CPLANE1: variants seen among roughly 807,000 people sequenced by gnomAD.
CPLANE1 encodes ciliogenesis and planar polarity effector 1.
CPLANE1 carries 263 observed loss-of-function variants against 362.5 expected under a neutral mutation model. The ratio of observed to expected loss-of-function variants is 0.73; its 90% CI spans 0.66 to 0.80. The LOEUF (loss-of-function observed/expected upper bound fraction) is 0.80, where lower values mean the gene tolerates loss of function less well. CPLANE1 is among the 30% of genes least tolerant of loss of function. CPLANE1 has a pLI of 0.00. For synonymous variants in CPLANE1, 1,212 were observed against 1,302.6 expected (o/e 0.93, Z 1.50); for missense variants, 3,461 against 3,793.4 (o/e 0.91, Z 2.30).
At chr5:37,098,001 T>C in the CPLANE1 span, among the ~76,000 whole-genome samples, 1 of 152,118 alleles carries the variant, frequency 6.6e-6, no homozygotes, top group Non-Finnish European at 1.5e-5. Context: ...TAAATATATA[T>C]GCACCCAACA....
At chr5:37,167,012 T>C (rs1049738096) in intron 35 of CPLANE1, 35 bp downstream of exon 35, 3 of 1,506,102 alleles carry the variant, frequency 2.0e-6, no homozygotes, top group Admixed American at 1.8e-5. Context: ...TGCTGATATA[T>C]GATATTATCA....
chr5:37,190,534 C>T (rs143206980), intron 21 of CPLANE1, among the ~76,000 whole-genome samples: 8 of 152,088 alleles, frequency 5.3e-5, no homozygotes, highest in African/African-American at 1.7e-4. Flanking sequence ...GCTACGATCA[C>T]ACTATAAAAA....
intron 44 of CPLANE1, chr5:37,140,166 T>C (rs1337790577): frequency 2.3e-6 from 2 of 874,576 alleles, no homozygotes; most frequent in African/African-American, 3.6e-5. Context: ...TCTAAATGTT[T>C]AATTCTTCTA....
Position 37,227,040 on chromosome 5 carries a change from G to A in CPLANE1, c.1555C>T (p.His519Tyr). Residue 519 changes from histidine (H) to tyrosine (Y), a missense_variant, in exon 12 of 53, where the codon CAC becomes TAC. This residue lies in a region of CPLANE1 where 3,380 missense variants were observed against 3,666.1 expected (regional missense o/e 0.92). Transcript: ENST00000651892. ...AAAGGACATAAGTTGTCTGGAAAGT[G>A]TCTGCCTTCGTTAGTTTCTTCTGCT... ...FEAEETNEGR[H>Y]FPDNLCPFWN... 1 of 1,547,228 alleles carries A rather than the reference G, an allele frequency of 6.5e-7. No individual in the cohort carries two copies. The highest frequency in any genetic ancestry group is 8.7e-7 in the Non-Finnish European group (1 of 1,145,626).
At chr5:37,238,997 T>C (rs1178312880) in intron 7 of CPLANE1, 37 bp from the exon 8 acceptor site, 1 of 1,030,016 alleles carries the variant, frequency 9.7e-7, no homozygotes, top group Non-Finnish European at 1.4e-6. Flanking sequence ...ACTATTAAAA[T>C]TATTTTACTG....
the CPLANE1 span, among the ~76,000 whole-genome samples, chr5:37,089,860 T>C: frequency 6.6e-6 from 1 of 152,202 alleles, no homozygotes. Flanking sequence ...CATGTGTCAG[T>C]ATCATGTAAA....
At position 37,187,770 on chromosome 5, in the gene CPLANE1, T is replaced by G. The variant is rs1262508455; in HGVS notation, c.3884A>C (p.Gln1295Pro). 3.7e-6 allele frequency: 6 copies of G among 1,613,806 alleles called. No individual in the cohort carries two copies. The highest frequency in any genetic ancestry group is 5.1e-6 in the Non-Finnish European group (6 of 1,179,872). Residue 1295 changes from glutamine (Q) to proline (P), a missense_variant, in exon 22 of 53, where the codon CAA (glutamine) becomes CCA (proline). Physicochemically the swap from Gln to Pro is moderately conservative, Grantham distance 76. Transcript: ENST00000651892. ...VRDKLSYSCRQYQKARENVKG... is the reference protein window; with the variant it reads ...VRDKLSYSCRPYQKARENVKG... ...TACATTTTCTCTTGCTTTCTGATATTGCCTGCAACTATAGGATAACTTATC... is the reference window on the plus strand; with the variant it reads ...TACATTTTCTCTTGCTTTCTGATATGGCCTGCAACTATAGGATAACTTATC...
At chr5:37,205,691 T>C (rs971896104) in intron 17 of CPLANE1, among the ~76,000 whole-genome samples, 2 of 152,210 alleles carry the variant, frequency 1.3e-5, no homozygotes, top group African/African-American at 4.8e-5. Context: ...CGGGCTTTAC[T>C]AACACATAAG....
At chr5:37,077,071 A>G in the CPLANE1 span, among the ~76,000 whole-genome samples, 17 of 151,904 alleles carry the variant, frequency 1.1e-4, no homozygotes, top group African/African-American at 3.4e-4. Context: ...TTTCAATAAA[A>G]CCTTATTTGT....
At chr5:37,147,351 T>C (rs947085411) in intron 43 of CPLANE1, among the ~76,000 whole-genome samples, 4 of 152,158 alleles carry the variant, frequency 2.6e-5, no homozygotes, top group African/African-American at 9.7e-5. Flanking sequence ...CACAAAAACA[T>C]AGCCCAATAT....
At chr5:37,191,150 T>C (rs1785438919) in intron 21 of CPLANE1, among the ~76,000 whole-genome samples, 1 of 152,024 alleles carries the variant, frequency 6.6e-6, no homozygotes, top group African/African-American at 2.4e-5. Context: ...TGACCCTATG[T>C]AGGCCTAGAC....
At chr5:37,138,883 C>A (rs751165293) in intron 45 of CPLANE1, 35 bp from the exon 46 acceptor site, 19 of 1,573,926 alleles carry the variant, frequency 1.2e-5, no homozygotes, top group Non-Finnish European at 1.6e-5. Context: ...AAATATAAAT[C>A]AGTATCTACA....
rs750439635 is a variant in CPLANE1, at chr5:37,183,127, A to G, written c.5054T>C (p.Ile1685Thr). Residue 1685 changes from isoleucine to threonine, a missense_variant, in exon 26 of 53, where the codon ATT becomes ACT. Around this residue, in one of 2 missense-constraint regions of CPLANE1, gnomAD observed 3,380 missense variants for 3,666.1 expected, o/e 0.92. Transcript: ENST00000651892. The part of the protein sequence containing the change: ...SGLFGLKQRS[I>T]YKIQDDTREK... ...TCTAGTGTCATCTTGTATTTTGTAA[A>G]TTGACCTTTGTTTTAAACCAAATAA... is the stretch of plus-strand genomic sequence containing the variant. 6.2e-7 allele frequency: 1 copy of G among 1,613,136 alleles called. No individual in the cohort carries two copies. Among genetic ancestry groups the G allele is most frequent in the South Asian group, 1.1e-5 (1 of 90,998 alleles).
intron 32 of CPLANE1, among the ~76,000 whole-genome samples, chr5:37,171,745 ACTCTCTCTCTCTCT>A (rs56407367): frequency 3.6e-4 from 46 of 128,430 alleles, no homozygotes; most frequent in Admixed American, 1.0e-3. Flanking sequence ...TCTCTAGCTT[ACTCTCTCTCTCTCT>A]CTCTCTCTCT....
chr5:37,105,369 C>G (rs1390830008), downstream of CPLANE1, among the ~76,000 whole-genome samples: 2 of 152,114 alleles, frequency 1.3e-5, no homozygotes, highest in Non-Finnish European at 2.9e-5. Context: ...TAAATCCATG[C>G]ATTTACAGCC....
intron 41 of CPLANE1, among the ~76,000 whole-genome samples, chr5:37,154,456 G>GTTTTTTTTTTTTTTTTTTT (rs1457651303): frequency 1.2e-5 from 1 of 83,126 alleles, no homozygotes; most frequent in African/African-American, 9.3e-5. Context: ...ATTTGCAATA[G>GTTTTTTTTTTTTTTTTTTT]TTCTTTTTTT....
Position 37,183,078 on chromosome 5 carries a change from TG to T in CPLANE1, c.5102del (p.Ser1701TyrfsTer35). 1 of 1,613,466 alleles carries T rather than the reference TG, an allele frequency of 6.2e-7. No individual in the cohort carries two copies. Among genetic ancestry groups the T allele is most frequent in the Non-Finnish European group, 8.5e-7 (1 of 1,179,894 alleles). ...DTREKCLIQRSSNHIFWTPKS... is the reference protein window; with the variant it reads ...DTREKCLIQRXSNHIFWTPKS... ...TGGGAGTCCAAAAAATGTGGTTTGATGATCTCTGGATTAGACATTTCTCTCT... is the reference window on the plus strand; with the variant it reads ...TGGGAGTCCAAAAAATGTGGTTTGATATCTCTGGATTAGACATTTCTCTCT... On this transcript the variant is annotated frameshift_variant, in exon 26 of 53. Coordinates refer to ENST00000651892, the MANE Select transcript of CPLANE1 (RefSeq NM_001384732.1).
chr5:37,167,233 CA>C lies in CPLANE1; in HGVS notation c.7234-21del. On this transcript the variant is annotated intron_variant, in intron 34 of 52. Transcript: ENST00000651892. Reference sequence around the variant, plus strand: ...TTTGCACTACAAGAAAGAAACAAAGCATAAGAATGACAAATTGCAAACTCAA... The same window carrying C: ...TTTGCACTACAAGAAAGAAACAAAGCTAAGAATGACAAATTGCAAACTCAA... 6.3e-7 allele frequency: 1 copy of C among 1,579,104 alleles called. No individual in the cohort carries two copies. Among genetic ancestry groups the C allele is most frequent in the Non-Finnish European group, 8.6e-7 (1 of 1,166,650 alleles).
chr5:37,168,963 T>C lies in CPLANE1; in HGVS notation c.7061A>G (p.His2354Arg). The C allele has an allele frequency of 1.2e-6, 2 of 1,614,150 alleles. No individual in the cohort carries two copies. Among genetic ancestry groups the C allele is most frequent in the Non-Finnish European group, 1.7e-6 (2 of 1,180,024 alleles). Residue 2354 changes from histidine (H) to arginine (R), a missense_variant, in exon 34 of 53, where the codon CAC becomes CGC. By Grantham distance (29) the His-to-Arg change is conservative. Transcript: ENST00000651892. ...TAGTAACGGAAGTCCAAAGGAATGG[T>C]GAGGAGATATCTCAAGGGTCCCTGG... The part of the protein sequence containing the change: ...VKPGTLEISP[H>R]HSFGLPLLYL...
Sources: gnomAD v4.1 joint callset for allele counts (sites outside exome capture counted in the v4.1 genomes callset) on GRCh38, gnomAD v4.1.1 for gene constraint, gnomAD v4.1.1 regional missense constraint, MANE v1.5 for transcripts, NCBI Gene and HGNC (gene_info 2026-07-23, HGNC 2026-07-21) for gene names.